GNAS: variants seen among roughly 807,000 people sequenced by gnomAD.
GNAS encodes protein ALEX.
Under a neutral mutation model 54.5 loss-of-function variants are expected in GNAS, and 8 were observed. The observed-to-expected ratio is 0.15, with a 90% CI of 0.09 to 0.26. GNAS has a LOEUF of 0.26. GNAS is among the 10% of genes least tolerant of loss of function. The pLI is 1.00. For synonymous variants in GNAS, 204 were observed against 191.4 expected (o/e 1.07, Z -0.54); for missense variants, 170 against 529.8 (o/e 0.32, Z 6.67).
At chr20:58,907,673 TTGTC>T (rs545282350) in intron 6 of GNAS, among the ~76,000 whole-genome samples, 68 of 152,298 alleles carry the variant, frequency 4.5e-4, no homozygotes, top group Admixed American at 1.8e-3. Context: ...TCCTGAAACT[TTGTC>T]TGAAAACGCA....
At chr20:58,850,648 C>T in intron 1 of GNAS, 2 of 399,300 alleles carry the variant, frequency 5.0e-6, no homozygotes, top group Admixed American at 8.8e-5. Flanking sequence ...CCCTGGAAAT[C>T]TTCTTGCTCC....
chr20:58,874,815 G>T (rs1258857239), intron 1 of GNAS, among the ~76,000 whole-genome samples: 1 of 152,058 alleles, frequency 6.6e-6, no homozygotes, highest in Admixed American at 6.6e-5. Flanking sequence ...CTTTTGTTTT[G>T]TTCCCTAATG....
chr20:58,900,545 T>G (rs2146111608), intron 3 of GNAS: 1 of 180,332 alleles, frequency 5.5e-6, no homozygotes, highest in South Asian at 2.0e-4. Context: ...GGGGAGGAGC[T>G]CTTAAAAACT....
chr20:58,909,631 G>A lies in GNAS; in HGVS notation c.718+52G>A. The A allele has an allele frequency of 1.9e-6, 3 of 1,614,164 alleles. No homozygotes were observed. The highest frequency in any genetic ancestry group is 2.5e-6 in the Non-Finnish European group (3 of 1,179,984). On this transcript the variant is annotated intron_variant, in intron 9 of 12. Transcript: ENST00000371085. This position sits in a 1 kb window ranked among gnomAD's most constrained non-coding sequence, Gnocchi z 7.3. ...GTAAAGAACGCTTTGCTTCTGTGTT[G>A]TTAGGGATCAGGGTCGCTGCTCACG...
chr20:58,905,602 T>C (rs1227093632), intron 6 of GNAS, 122 bp downstream of exon 6: 3 of 722,078 alleles, frequency 4.2e-6, no homozygotes, highest in Non-Finnish European at 7.6e-6. Flanking sequence ...GCCAACCAGT[T>C]ACCCCACTGG....
In GNAS at chr20:58,841,284, C is replaced by T; in HGVS notation, c.43+398C>T. 1.9e-6 allele frequency: 2 copies of T among 1,072,654 alleles called. No homozygotes were observed. The highest frequency in any genetic ancestry group is 2.3e-6 in the Non-Finnish European group (2 of 879,834). The allele number at this position is 1,072,654 out of a possible 1,614,324, so 66.4% of individuals were successfully genotyped here. On this transcript the variant is annotated intron_variant, in intron 1 of 12. Transcript: ENST00000306090. The surrounding 1 kb of genome is among the most constrained non-coding windows in gnomAD (Gnocchi z 5.0). Reference sequence around the variant, plus strand: ...AAAGACTAGTCTCAAATAAGTTGGCCTTCTCAGGTGTCCAAAATGTGGTTC... The same window carrying T: ...AAAGACTAGTCTCAAATAAGTTGGCTTTCTCAGGTGTCCAAAATGTGGTTC...
chr20:58,848,530 A>G (rs1009261797), intron 1 of GNAS, among the ~76,000 whole-genome samples: 1 of 152,206 alleles, frequency 6.6e-6, no homozygotes, highest in African/African-American at 2.4e-5. Flanking sequence ...CTATTATACA[A>G]TTATAATGGC....
chr20:58,880,370 C>A (rs1337864059), intron 1 of GNAS, among the ~76,000 whole-genome samples: 2 of 152,158 alleles, frequency 1.3e-5, no homozygotes, highest in African/African-American at 4.8e-5. Context: ...AGCCTTGATC[C>A]TTTATTTTTC....
At chr20:58,903,913 C>G (rs1240371899) in intron 5 of GNAS, 122 bp downstream of exon 5, 3 of 987,022 alleles carry the variant, frequency 3.0e-6, no homozygotes, top group Non-Finnish European at 4.9e-6. Flanking sequence ...TCAGGCAAAA[C>G]TACATTTCAG....
upstream of GNAS, chr20:58,889,295 G>C (rs1600932470): frequency 3.0e-6 from 3 of 990,394 alleles, no homozygotes; most frequent in Non-Finnish European, 3.6e-6. Context: ...GTCCCGGCGC[G>C]GGGCGGCGGC....
chr20:58,909,122 A>G lies in GNAS; in HGVS notation c.531-40A>G, dbSNP rs1164371655. 1 of 1,568,174 alleles carries G rather than the reference A, an allele frequency of 6.4e-7. No individual in the cohort carries two copies. Among genetic ancestry groups the G allele is most frequent in the African/African-American group, 1.4e-5 (1 of 73,760 alleles). On this transcript the variant is annotated intron_variant, in intron 6 of 12. Transcript: ENST00000371085. The surrounding 1 kb of genome is among the most constrained non-coding windows in gnomAD (Gnocchi z 7.3). ...CACAAATAGTTGGCAAATTGATGTG[A>G]GCGCTGTGAACACCCCACGTGTCTT... is the stretch of plus-strand genomic sequence containing the variant.
At chr20:58,904,818 T>C (rs564460154) in intron 5 of GNAS, among the ~76,000 whole-genome samples, 2 of 152,352 alleles carry the variant, frequency 1.3e-5, no homozygotes, top group South Asian at 2.1e-4. Context: ...TCTTGAAATA[T>C]GATTCTATAT....
intron 1 of GNAS, chr20:58,855,214 A>G (rs966448617): frequency 1.3e-6 from 2 of 1,599,662 alleles, no homozygotes; most frequent in African/African-American, 1.3e-5. Context: ...CAGATGCGCA[A>G]AGAAGCCCTG....
At chr20:58,855,879 C>T (rs1401152983) in intron 1 of GNAS, 4 of 544,658 alleles carry the variant, frequency 7.3e-6, no homozygotes, top group Non-Finnish European at 1.3e-5. Context: ...CCAAATTACC[C>T]GCCGACTGTG....
chr20:58,840,599 G>A (rs1209487203), upstream of GNAS: 12 of 1,610,292 alleles, frequency 7.5e-6, no homozygotes, highest in South Asian at 1.1e-5. The surrounding 1 kb of genome is among the most constrained non-coding windows in gnomAD (Gnocchi z 6.0). Context: ...GCGTCTGCAC[G>A]CTCTCAAGTT....
In GNAS at chr20:58,853,129, G is replaced by A. The variant is rs2086250213; in HGVS notation, c.43+12243G>A. On this transcript the variant is annotated intron_variant, in intron 1 of 12. Transcript: ENST00000306090. The surrounding 1 kb of genome is among the most constrained non-coding windows in gnomAD (Gnocchi z 4.4). ...CCTTGAACCCCCCAACCTCACAAGG[G>A]TTGGAAAGTGAGGCCGGTGAACTTT... 7 of 1,431,842 alleles carry A rather than the reference G, an allele frequency of 4.9e-6. No individual in the cohort carries two copies. The highest frequency in any genetic ancestry group is 6.4e-6 in the Non-Finnish European group (7 of 1,098,912). 88.7% of individuals were successfully genotyped at this position (1,431,842 alleles called of 1,614,324 possible).
At chr20:58,907,172 T>A (rs1050167073) in intron 6 of GNAS, among the ~76,000 whole-genome samples, 1 of 152,200 alleles carries the variant, frequency 6.6e-6, no homozygotes, top group South Asian at 2.1e-4. Context: ...TAAGCCTCTG[T>A]TAGGGTCTGC....
chr20:58,855,419 C>A, intron 1 of GNAS: 2 of 1,236,184 alleles, frequency 1.6e-6, no homozygotes, highest in Non-Finnish European at 2.3e-6. Flanking sequence ...GGGCTAGGGG[C>A]TCCGCAGTGG....
At chr20:58,880,138 G>A (rs978115367) in intron 1 of GNAS, among the ~76,000 whole-genome samples, 2 of 152,128 alleles carry the variant, frequency 1.3e-5, no homozygotes, top group African/African-American at 4.8e-5. Context: ...CAGGCAGATG[G>A]GGGAAGAAGG....
Sources: gnomAD v4.1 joint callset for allele counts (sites outside exome capture counted in the v4.1 genomes callset) on GRCh38, gnomAD v4.1.1 for gene constraint, Gnocchi (gnomAD v3.1) non-coding constraint, MANE v1.5 for transcripts, NCBI Gene and HGNC (gene_info 2026-07-23, HGNC 2026-07-21) for gene names.